Variants in DCLK1 observed in about 807,000 individuals in gnomAD.
The protein encoded by DCLK1 is serine/threonine-protein kinase DCLK1.
In DCLK1, 16 loss-of-function variants were observed where a neutral mutation model predicts 86.2. The ratio of observed to expected loss-of-function variants is 0.19; its 90% CI spans 0.13 to 0.28. The LOEUF is 0.28. DCLK1 is among the 10% of genes least tolerant of loss of function. The pLI is 1.00. For missense variants in DCLK1, 590 were observed against 940.2 expected, an observed-to-expected ratio of 0.63 and a Z score of 4.87; for synonymous variants, 369 against 370.5, an observed-to-expected ratio of 1.00 and a Z score of 0.05.
intron 4 of DCLK1, among the ~76,000 whole-genome samples, chr13:35,885,688 G>A (rs1873185076): frequency 6.6e-6 from 1 of 152,000 alleles, no homozygotes; most frequent in Non-Finnish European, 1.5e-5. Flanking sequence ...ACAAAAATCA[G>A]GCATTAAATT....
At chr13:36,061,899 T>C (rs1162523892) in intron 3 of DCLK1, among the ~76,000 whole-genome samples, 2 of 152,184 alleles carry the variant, frequency 1.3e-5, no homozygotes, top group South Asian at 2.1e-4. Context: ...TGTGTTGTTT[T>C]TCATAAAATA....
intron 3 of DCLK1, among the ~76,000 whole-genome samples, chr13:35,973,161 G>A (rs1879154594): frequency 6.6e-6 from 1 of 152,192 alleles, no homozygotes; most frequent in African/African-American, 2.4e-5. Flanking sequence ...ATTAGATAAA[G>A]AACACACTGC....
intron 3 of DCLK1, among the ~76,000 whole-genome samples, chr13:36,024,594 A>T (rs1409209891): frequency 2.6e-5 from 4 of 152,218 alleles, no homozygotes; most frequent in African/African-American, 9.6e-5. Flanking sequence ...GTCCAAAATA[A>T]ATGGGAAGAC....
At position 35,888,432 on chromosome 13, in the gene DCLK1, G is replaced by T. The variant is rs144143273; in HGVS notation, c.824-17092C>A. Among the ~76,000 whole-genome samples the T allele has an allele frequency of 5.4e-3, 817 of 152,290 alleles. 9 individuals carry two copies. Among genetic ancestry groups the T allele is most frequent in the African/African-American group, 0.019 (774 of 41,544 alleles). ...TTTATTAGGAGAAAGCAGACTTTGG[G>T]TTGAAAACTTGATTTATTTCCCTTA... On this transcript the variant is annotated intron_variant, in intron 4 of 16. Transcript: ENST00000360631.
intron 4 of DCLK1, among the ~76,000 whole-genome samples, chr13:35,931,435 C>T (rs1876425306): frequency 6.6e-6 from 1 of 152,156 alleles, no homozygotes; most frequent in South Asian, 2.1e-4. Context: ...CCAGAGAGTT[C>T]AGCTGGCCAA....
intron 3 of DCLK1, among the ~76,000 whole-genome samples, chr13:36,096,525 G>A (rs149546748): frequency 2.6e-5 from 4 of 152,188 alleles, no homozygotes; most frequent in African/African-American, 9.6e-5. Context: ...GAAAGAAATA[G>A]GTAATCTTTT....
At chr13:35,924,720 C>T (rs779320282) in intron 4 of DCLK1, among the ~76,000 whole-genome samples, 1 of 152,160 alleles carries the variant, frequency 6.6e-6, no homozygotes, top group Non-Finnish European at 1.5e-5. Flanking sequence ...ATTTATTTTT[C>T]TGGAGTAGGG....
At chr13:35,822,181 C>T (rs929804884) in intron 11 of DCLK1, among the ~76,000 whole-genome samples, 1 of 151,944 alleles carries the variant, frequency 6.6e-6, no homozygotes, top group African/African-American at 2.4e-5. Flanking sequence ...GACAGGGTCT[C>T]ACTCTGTCAC....
chr13:35,835,365 AG>A (rs1399645179), intron 8 of DCLK1, among the ~76,000 whole-genome samples: 3 of 151,952 alleles, frequency 2.0e-5, no homozygotes, highest in African/African-American at 7.2e-5. Context: ...GCTCCCCTAA[AG>A]CAAGCAGCTG....
rs1185608428 is a variant in DCLK1, at chr13:35,769,216, A to G, written c.*5319T>C. On this transcript the variant is annotated 3_prime_UTR_variant, in exon 17 of 17. Coordinates refer to ENST00000360631, the MANE Select transcript of DCLK1 (RefSeq NM_001330071.2). ...AAGTTATTTCATTAGGATTCTGAAA[A>G]TCAAAGATTAACCTATGCCATCTGA... The G allele has an allele frequency of 6.6e-6, 1 of 152,222 alleles. No individual in the cohort carries two copies. Among genetic ancestry groups the G allele is most frequent in the African/African-American group, 2.4e-5 (1 of 41,446 alleles). 9.4% of individuals were successfully genotyped at this position (152,222 alleles called of 1,614,324 possible). A position where few individuals can be genotyped will look rare whatever the true frequency, so the allele number is the denominator to read the frequency against.
At chr13:35,796,337 A>C (rs1414642699) in intron 15 of DCLK1, among the ~76,000 whole-genome samples, 2 of 152,194 alleles carry the variant, frequency 1.3e-5, no homozygotes, top group African/African-American at 4.8e-5. Context: ...CTTGAGCATA[A>C]TTGTGGTCTT....
chr13:35,960,191 A>T (rs887044451), intron 3 of DCLK1, among the ~76,000 whole-genome samples: 1 of 152,126 alleles, frequency 6.6e-6, no homozygotes, highest in Admixed American at 6.6e-5. Flanking sequence ...CTCCCCCCTT[A>T]ATCCATCCTC....
At chr13:36,116,408 G>A (rs955538217) in intron 2 of DCLK1, among the ~76,000 whole-genome samples, 4 of 152,076 alleles carry the variant, frequency 2.6e-5, no homozygotes, top group African/African-American at 9.7e-5. Flanking sequence ...TGGTTCCCTG[G>A]GCACTACTGA....
intron 4 of DCLK1, among the ~76,000 whole-genome samples, chr13:35,930,530 G>T (rs1295698282): frequency 6.6e-6 from 1 of 152,192 alleles, no homozygotes; most frequent in Non-Finnish European, 1.5e-5. Flanking sequence ...GAACCCAGGA[G>T]AGGAGGTTGC....
At chr13:35,913,008 T>C (rs1400635150) in intron 4 of DCLK1, among the ~76,000 whole-genome samples, 1 of 152,114 alleles carries the variant, frequency 6.6e-6, no homozygotes, top group African/African-American at 2.4e-5. Context: ...CTGCAAAAGG[T>C]TGAGCATGGT....
intron 2 of DCLK1, among the ~76,000 whole-genome samples, chr13:36,116,421 A>G (rs1429431314): frequency 6.6e-6 from 1 of 152,090 alleles, no homozygotes; most frequent in African/African-American, 2.4e-5. Context: ...ACTACTGAAA[A>G]CTGACAATGT....
At chr13:35,872,857 G>C (rs1013895380) in intron 4 of DCLK1, among the ~76,000 whole-genome samples, 1 of 151,670 alleles carries the variant, frequency 6.6e-6, no homozygotes. Flanking sequence ...GTTTTTGTTT[G>C]CTTTTTATAA....
At chr13:36,008,391 A>C (rs1324883498) in intron 3 of DCLK1, among the ~76,000 whole-genome samples, 1 of 75,874 alleles carries the variant, frequency 1.3e-5, no homozygotes, top group Non-Finnish European at 2.4e-5. Context: ...TCCCCACCAC[A>C]GTCCCCAGAA....
intron 5 of DCLK1, among the ~76,000 whole-genome samples, chr13:35,859,725 G>A (rs2148417): frequency 0.056 from 8,581 of 152,192 alleles, 316 homozygotes; most frequent in African/African-American, 0.091. Flanking sequence ...ATCAGCACAC[G>A]TAGTGTACAC....
Sources: allele counts gnomAD v4.1 joint callset (sites outside exome capture counted in the v4.1 genomes callset), GRCh38; gene constraint gnomAD v4.1.1; transcripts MANE v1.5; gene names NCBI Gene and HGNC (gene_info 2026-07-23, HGNC 2026-07-21).